TBC1D5: variants seen among roughly 807,000 people sequenced by gnomAD.
TBC1D5 encodes TBC1 domain family member 5.
In TBC1D5, 75 loss-of-function variants were observed where a neutral mutation model predicts 100.3. That is an observed-to-expected ratio of 0.75 (90% CI 0.62 to 0.91). The LOEUF (loss-of-function observed/expected upper bound fraction) is 0.91. TBC1D5 is among the 40% of genes least tolerant of loss of function. The pLI is 0.00. For synonymous variants in TBC1D5, 323 were observed against 325.6 expected (o/e 0.99, Z 0.09); for missense variants, 910 against 942.4 (o/e 0.97, Z 0.45).
intron 14 of TBC1D5, among the ~76,000 whole-genome samples, chr3:17,299,858 CAAAAAAAAAAAAA>C (rs10590475): frequency 8.4e-4 from 41 of 48,620 alleles, no homozygotes; most frequent in East Asian, 7.2e-3. Context: ...GACTCCGTCT[CAAAAAAAAAAAAA>C]AAAAAAAAAA....
chr3:17,688,964 G>C (rs893587693), intron 1 of TBC1D5, among the ~76,000 whole-genome samples: 1 of 152,004 alleles, frequency 6.6e-6, no homozygotes, highest in African/African-American at 2.4e-5. Context: ...ATTTTCCAGA[G>C]TTACTACTGG....
intron 2 of TBC1D5, among the ~76,000 whole-genome samples, chr3:17,617,242 C>T (rs1490992946): frequency 6.6e-6 from 1 of 152,104 alleles, no homozygotes; most frequent in Non-Finnish European, 1.5e-5. Context: ...GGGTTTCTGC[C>T]GAGAGATCCG....
At chr3:17,434,011 G>A (rs1197361341) in intron 3 of TBC1D5, among the ~76,000 whole-genome samples, 1 of 152,186 alleles carries the variant, frequency 6.6e-6, no homozygotes, top group Non-Finnish European at 1.5e-5. Context: ...GATACAAGAG[G>A]TAGGCTCCCA....
intron 9 of TBC1D5, among the ~76,000 whole-genome samples, 177 bp downstream of exon 9, chr3:17,383,736 T>C (rs748905757): frequency 1.1e-4 from 17 of 150,264 alleles, no homozygotes; most frequent in Non-Finnish European, 1.8e-4. Context: ...GGAAGAAGCA[T>C]ATGTGCTTCA....
At chr3:17,598,924 G>A (rs2060750053) in intron 2 of TBC1D5, among the ~76,000 whole-genome samples, 1 of 152,126 alleles carries the variant, frequency 6.6e-6, no homozygotes, top group African/African-American at 2.4e-5. Flanking sequence ...AAAATGGTTG[G>A]ATAATTATCA....
At chr3:17,256,016 A>T (rs552308096) in intron 16 of TBC1D5, among the ~76,000 whole-genome samples, 1 of 152,376 alleles carries the variant, frequency 6.6e-6, no homozygotes, top group East Asian at 1.9e-4. Flanking sequence ...AGCCTGGGCG[A>T]CAAAGCGAGA....
intron 2 of TBC1D5, among the ~76,000 whole-genome samples, chr3:17,533,248 C>T (rs1015362885): frequency 2.0e-5 from 3 of 152,192 alleles, no homozygotes; most frequent in Non-Finnish European, 4.4e-5. Flanking sequence ...TAGAGTTCTA[C>T]TTCATTTGAC....
At chr3:17,703,285 A>AG (rs2073469146) in intron 1 of TBC1D5, among the ~76,000 whole-genome samples, 2 of 152,008 alleles carry the variant, frequency 1.3e-5, no homozygotes, top group East Asian at 3.9e-4. Context: ...TTTTCTGTGG[A>AG]GAAAAAAAAA....
At chr3:17,394,032 C>T (rs1224825986) in intron 8 of TBC1D5, among the ~76,000 whole-genome samples, 1 of 152,074 alleles carries the variant, frequency 6.6e-6, no homozygotes, top group South Asian at 2.1e-4. Context: ...TCAGAGTGAA[C>T]AGGCCTCACA....
chr3:17,649,116 G>C (rs1415233261), intron 1 of TBC1D5, among the ~76,000 whole-genome samples: 1 of 152,012 alleles, frequency 6.6e-6, no homozygotes, highest in African/African-American at 2.4e-5. Flanking sequence ...AGAAAATATG[G>C]TACATATACA....
intron 3 of TBC1D5, among the ~76,000 whole-genome samples, chr3:17,435,679 G>C (rs2094522460): frequency 6.6e-6 from 1 of 152,210 alleles, no homozygotes; most frequent in Non-Finnish European, 1.5e-5. Flanking sequence ...TGGGGCCACA[G>C]CAAAATCATA....
intron 1 of TBC1D5, among the ~76,000 whole-genome samples, chr3:17,731,274 G>A (rs536936112): frequency 5.3e-5 from 8 of 152,028 alleles, no homozygotes; most frequent in Admixed American, 2.6e-4. Flanking sequence ...AGGCCGAGGC[G>A]GGCGGATCAC....
intron 2 of TBC1D5, among the ~76,000 whole-genome samples, chr3:17,582,342 T>A (rs1334138226): frequency 6.6e-6 from 1 of 152,156 alleles, no homozygotes; most frequent in African/African-American, 2.4e-5. Flanking sequence ...ACTATAAACA[T>A]ATACCTAGCT....
In TBC1D5 at chr3:17,725,397, T is replaced by A. The variant is rs569203912; in HGVS notation, c.-101+13946A>T. Among the ~76,000 whole-genome samples the A allele has an allele frequency of 5.6e-4, 85 of 152,264 alleles. 2 individuals carry two copies. The South Asian group carries it at 0.016, about 29-fold the overall frequency. ...CTTAGGAGCGAAGAAGTATTTTTTT[T>A]TTTTTTTAGGTCCAAGGCAACTTTT... On this transcript the variant is annotated intron_variant, in intron 1 of 21. Coordinates refer to ENST00000253692, the Ensembl canonical transcript of TBC1D5.
intron 2 of TBC1D5, among the ~76,000 whole-genome samples, chr3:17,578,607 C>T (rs764466590): frequency 6.6e-6 from 1 of 151,926 alleles, no homozygotes; most frequent in Non-Finnish European, 1.5e-5. Flanking sequence ...TATCCTTGGC[C>T]TAATGTCAAA....
intron 13 of TBC1D5, among the ~76,000 whole-genome samples, chr3:17,320,927 C>T (rs1237769688): frequency 1.3e-5 from 2 of 152,182 alleles, no homozygotes; most frequent in African/African-American, 4.8e-5. Context: ...CTTTATAATA[C>T]ATTTACCAGT....
intron 3 of TBC1D5, among the ~76,000 whole-genome samples, chr3:17,496,807 G>A (rs879721387): frequency 6.6e-6 from 1 of 152,074 alleles, no homozygotes; most frequent in Admixed American, 6.5e-5. Flanking sequence ...TCCTATCCTT[G>A]AGAAGAAACT....
exon 9 of TBC1D5, chr3:17,383,988 T>C (rs1283273852): frequency 6.3e-7 from 1 of 1,598,392 alleles, no homozygotes; most frequent in Non-Finnish European, 8.6e-7. Flanking sequence ...TCACATTTTC[T>C]TGCTGGAAAA....
chr3:17,463,802 C>T (rs1293699440), intron 3 of TBC1D5, among the ~76,000 whole-genome samples: 3 of 152,180 alleles, frequency 2.0e-5, no homozygotes, highest in African/African-American at 7.2e-5. Flanking sequence ...CCACTGATCT[C>T]TGCCCTCTTC....
Sources: allele counts gnomAD v4.1 joint callset (sites outside exome capture counted in the v4.1 genomes callset), GRCh38; gene constraint gnomAD v4.1.1; transcripts MANE v1.5; gene names NCBI Gene and HGNC (gene_info 2026-07-23, HGNC 2026-07-21).